SEPTIN11: variants seen among roughly 807,000 people sequenced by gnomAD.
SEPTIN11 encodes septin-11.
SEPTIN11 carries 25 observed loss-of-function variants against 51.4 expected under a neutral mutation model. That is an observed-to-expected ratio of 0.49 (90% CI 0.35 to 0.68). SEPTIN11 has a LOEUF of 0.68. SEPTIN11 is among the 30% of genes least tolerant of loss of function. The pLI, the probability that SEPTIN11 is intolerant of heterozygous loss-of-function variation, is 0.00. For missense variants in SEPTIN11, 381 were observed against 520.8 expected (o/e 0.73, Z 2.61); for synonymous variants, 174 against 184.1 (o/e 0.95, Z 0.44).
At chr4:76,965,207 T>A (rs1213930916) in intron 1 of SEPTIN11, among the ~76,000 whole-genome samples, 1 of 152,084 alleles carries the variant, frequency 6.6e-6, no homozygotes. Flanking sequence ...TGCCAGCACT[T>A]TGGGAGGCCA....
intron 1 of SEPTIN11, among the ~76,000 whole-genome samples, chr4:76,970,134 C>A (rs566965399): frequency 1.3e-5 from 2 of 152,322 alleles, no homozygotes; most frequent in South Asian, 4.1e-4. Flanking sequence ...CTTACCTCTG[C>A]TTTTGCATTT....
chr4:77,016,639 T>TATATATACACAC (rs768535558), intron 5 of SEPTIN11, among the ~76,000 whole-genome samples: 4 of 110,902 alleles, frequency 3.6e-5, no homozygotes, highest in African/African-American at 6.8e-5. Context: ...TACACATATA[T>TATATATACACAC]ATATATATAT....
rs887267313 is a variant in SEPTIN11 at position 77,038,504 on chromosome 4, C to T, written c.*3992C>T. 13 of 985,740 alleles carry T rather than the reference C, an allele frequency of 1.3e-5. 1 individual carries two copies. The allele number at this position is 985,740 out of a possible 1,614,324, so 61.1% of individuals were successfully genotyped here. On this transcript the variant is annotated 3_prime_UTR_variant, in exon 10 of 10. Transcript: ENST00000264893. ...ATGAAAGTGATCACTTAGCAACATGCTTGGTAATTTGGCATCTGTTAAGGT... is the reference window on the plus strand; with the variant it reads ...ATGAAAGTGATCACTTAGCAACATGTTTGGTAATTTGGCATCTGTTAAGGT...
intron 2 of SEPTIN11, 77 bp downstream of exon 2, chr4:76,996,616 A>G: frequency 9.7e-7 from 1 of 1,029,886 alleles, no homozygotes. Context: ...GACATGCTTC[A>G]GTGAAATAAG....
chr4:77,015,276 G>A (rs1725140849), intron 5 of SEPTIN11, among the ~76,000 whole-genome samples: 1 of 152,168 alleles, frequency 6.6e-6, no homozygotes, highest in Non-Finnish European at 1.5e-5. Context: ...CTTGTGAGAA[G>A]GAAATGCCAG....
chr4:77,034,790 G>A lies in SEPTIN11; in HGVS notation c.*278G>A. 2 of 1,140,130 alleles carry A rather than the reference G, an allele frequency of 1.8e-6. No individual in the cohort carries two copies. The highest frequency in any genetic ancestry group is 2.2e-6 in the Non-Finnish European group (2 of 929,736). The allele number at this position is 1,140,130 out of a possible 1,614,324, so 70.6% of individuals were successfully genotyped here. On this transcript the variant is annotated 3_prime_UTR_variant, in exon 10 of 10. Transcript: ENST00000264893. ...TGTTCTGAATGGCAGCACGAAGCAG[G>A]CCTGTTACTTGTATGTCGCTTTGGA...
intron 1 of SEPTIN11, chr4:76,995,961 T>C: frequency 6.5e-7 from 1 of 1,533,772 alleles, no homozygotes; most frequent in Non-Finnish European, 8.7e-7. Flanking sequence ...TTGTCATCAT[T>C]GTAAGGAGTA....
intron 1 of SEPTIN11, among the ~76,000 whole-genome samples, chr4:76,965,021 A>G (rs1721974223): frequency 6.6e-6 from 1 of 152,170 alleles, no homozygotes; most frequent in Non-Finnish European, 1.5e-5. Flanking sequence ...GGCATTGCTA[A>G]GTCATTCTTA....
chr4:76,978,310 T>C (rs1722598897), intron 1 of SEPTIN11, among the ~76,000 whole-genome samples: 1 of 152,176 alleles, frequency 6.6e-6, no homozygotes, highest in Admixed American at 6.5e-5. Flanking sequence ...TTGTGTGCTC[T>C]TACTTGGTGG....
In SEPTIN11 at chr4:77,032,481, C is replaced by T. The variant is rs370326062; in HGVS notation, c.1274+1511C>T. On this transcript the variant is annotated intron_variant, in intron 9 of 9. Coordinates refer to ENST00000264893, the MANE Select transcript of SEPTIN11 (RefSeq NM_018243.4). ...GAGACTCAGATTACAGTGACTCTTC[C>T]AGTGAAGACAGATGAAAGCCATTGG... 7.9e-5 allele frequency among the ~76,000 whole-genome samples: 12 copies of T among 152,290 alleles called. 1 individual carries two copies. Among genetic ancestry groups the T allele is most frequent in the African/African-American group, 2.9e-4 (12 of 41,572 alleles).
At position 77,036,755 on chromosome 4, in the gene SEPTIN11, G is replaced by A; in HGVS notation, c.*2243G>A. ...TTTTCTTTTTTCTTTCTGTATCTATGCCTTTTTTTCACAGTAGTCCTTGGC... is the reference window on the plus strand; with the variant it reads ...TTTTCTTTTTTCTTTCTGTATCTATACCTTTTTTTCACAGTAGTCCTTGGC... On this transcript the variant is annotated 3_prime_UTR_variant, in exon 10 of 10. Coordinates refer to ENST00000264893, the MANE Select transcript of SEPTIN11 (RefSeq NM_018243.4). The A allele has an allele frequency of 1.3e-6, 2 of 1,532,818 alleles. No homozygotes were observed. The highest frequency in any genetic ancestry group is 1.7e-6 in the Non-Finnish European group (2 of 1,146,590). 95.0% of individuals were successfully genotyped at this position (1,532,818 alleles called of 1,614,324 possible).
chr4:76,959,119 G>T (rs535281061), intron 1 of SEPTIN11: 3 of 623,824 alleles, frequency 4.8e-6, no homozygotes, highest in Non-Finnish European at 9.2e-6. Flanking sequence ...TATTGCCTGC[G>T]GTGTCCAAGG....
intron 5 of SEPTIN11, among the ~76,000 whole-genome samples, chr4:77,015,287 C>G (rs1725141599): frequency 6.6e-6 from 1 of 152,194 alleles, no homozygotes; most frequent in South Asian, 2.1e-4. Context: ...GAAATGCCAG[C>G]CCAGTACCAT....
At chr4:76,991,521 A>T (rs1723373742) in intron 1 of SEPTIN11, among the ~76,000 whole-genome samples, 1 of 152,242 alleles carries the variant, frequency 6.6e-6, no homozygotes, top group South Asian at 2.1e-4. Context: ...ATTTTCTGAA[A>T]AACTACCAGT....
intron 9 of SEPTIN11, among the ~76,000 whole-genome samples, chr4:77,033,882 C>T (rs920880982): frequency 5.3e-5 from 8 of 152,152 alleles, no homozygotes; most frequent in African/African-American, 1.7e-4. Flanking sequence ...AAATTAGACA[C>T]GTGGACCGTG....
chr4:77,018,912 C>T (rs1467473427), intron 5 of SEPTIN11, among the ~76,000 whole-genome samples: 2 of 152,202 alleles, frequency 1.3e-5, no homozygotes, highest in African/African-American at 4.8e-5. Flanking sequence ...ACTGCATCGG[C>T]TAGCACAAGT....
At chr4:76,987,671 TA>T (rs1161071309) in intron 1 of SEPTIN11, 2 of 153,516 alleles carry the variant, frequency 1.3e-5, no homozygotes, top group East Asian at 3.9e-4. Flanking sequence ...CAGAAATGAT[TA>T]ATCAGGGTAC....
At chr4:76,954,895 G>T (rs914991999) in intron 1 of SEPTIN11, among the ~76,000 whole-genome samples, 2 of 152,164 alleles carry the variant, frequency 1.3e-5, no homozygotes, top group Non-Finnish European at 2.9e-5. Context: ...GTGGGAAAGA[G>T]ACCATATTCT....
chr4:76,968,834 G>A (rs978166955), intron 1 of SEPTIN11, among the ~76,000 whole-genome samples: 7 of 152,172 alleles, frequency 4.6e-5, no homozygotes, highest in Admixed American at 1.3e-4. Context: ...GATTCAAGAT[G>A]GTAGCTTGAG....
Sources: allele counts gnomAD v4.1 joint callset (sites outside exome capture counted in the v4.1 genomes callset), GRCh38; gene constraint gnomAD v4.1.1; transcripts MANE v1.5; gene names NCBI Gene and HGNC (gene_info 2026-07-23, HGNC 2026-07-21).